LIMS1: variants seen among roughly 807,000 people sequenced by gnomAD.
LIMS1 encodes LIM zinc finger domain containing 1.
In LIMS1, 18 loss-of-function variants were observed where a neutral mutation model predicts 44.1. That is an observed-to-expected ratio of 0.41 (90% CI 0.28 to 0.61). The LOEUF is 0.61. Among genes scored for constraint, LIMS1 ranks in the 20% least tolerant of loss-of-function variants. The probability of loss-of-function intolerance (pLI) is 0.32; values close to 1 mark genes in which losing one functional copy is unlikely to be tolerated. For missense variants in LIMS1, 201 were observed against 422.0 expected (o/e 0.48, Z 4.59); for synonymous variants, 93 against 149.1 (o/e 0.62, Z 2.74).
intron 2 of LIMS1, among the ~76,000 whole-genome samples, chr2:108,663,381 G>A (rs1367126954): frequency 6.6e-6 from 1 of 152,018 alleles, no homozygotes; most frequent in African/African-American, 2.4e-5. Flanking sequence ...ATTTACCCAG[G>A]GAAATACCCT....
At chr2:108,635,790 C>A (rs557249793) in intron 1 of LIMS1, among the ~76,000 whole-genome samples, 2 of 152,332 alleles carry the variant, frequency 1.3e-5, no homozygotes, top group African/African-American at 4.8e-5. Flanking sequence ...ACTCCTCCCC[C>A]CCGTCTGTTC....
intron 1 of LIMS1, among the ~76,000 whole-genome samples, chr2:108,559,533 C>T (rs1021198733): frequency 1.3e-5 from 2 of 152,108 alleles, no homozygotes; most frequent in Non-Finnish European, 2.9e-5. Context: ...CAGCACAGTG[C>T]TAGGTTTATA....
At chr2:108,598,184 A>G (rs1686815271) in intron 1 of LIMS1, among the ~76,000 whole-genome samples, 1 of 151,708 alleles carries the variant, frequency 6.6e-6, no homozygotes, top group African/African-American at 2.4e-5. Flanking sequence ...GCTATTTCAT[A>G]GATTAGGACA....
intron 1 of LIMS1, among the ~76,000 whole-genome samples, chr2:108,626,926 A>G (rs927871923): frequency 6.6e-6 from 1 of 152,250 alleles, no homozygotes; most frequent in Admixed American, 6.5e-5. Context: ...GTTTCAGTCA[A>G]CGAGAGACTA....
intron 1 of LIMS1, among the ~76,000 whole-genome samples, chr2:108,565,183 C>T (rs1431616219): frequency 3.3e-5 from 5 of 152,028 alleles, no homozygotes; most frequent in African/African-American, 4.8e-5. Context: ...AGTTGGATAC[C>T]GTCTTCGTTC....
chr2:108,639,199 G>A (rs915486058), intron 1 of LIMS1, among the ~76,000 whole-genome samples: 4 of 152,150 alleles, frequency 2.6e-5, no homozygotes, highest in African/African-American at 9.7e-5. Context: ...ACAGAAGATC[G>A]ATAAGGCCTG....
At chr2:108,600,897 TCTTCTCTTCTCTTCTCTTC>T (rs1686975068) in intron 1 of LIMS1, among the ~76,000 whole-genome samples, 5 of 144,080 alleles carry the variant, frequency 3.5e-5, no homozygotes, top group South Asian at 2.2e-4. Context: ...TTCGTTCTTC[TCTTCTCTTCTCTTCTCTTC>T]TCTTCTCTTC....
At chr2:108,617,584 A>G (rs960119509) in intron 1 of LIMS1, among the ~76,000 whole-genome samples, 2 of 152,238 alleles carry the variant, frequency 1.3e-5, no homozygotes, top group African/African-American at 4.8e-5. Flanking sequence ...TGGTTGAACA[A>G]CTAAAACATA....
chr2:108,607,919 T>A (rs1687364014), intron 1 of LIMS1, among the ~76,000 whole-genome samples: 1 of 152,208 alleles, frequency 6.6e-6, no homozygotes, highest in Non-Finnish European at 1.5e-5. Context: ...AGGAGCCACA[T>A]GGTGGCAGGC....
At chr2:108,568,514 C>A (rs1258347775) in intron 1 of LIMS1, among the ~76,000 whole-genome samples, 5 of 152,156 alleles carry the variant, frequency 3.3e-5, no homozygotes, top group Non-Finnish European at 5.9e-5. Context: ...CTCTTCAATA[C>A]CCTGCTTTAG....
chr2:108,665,169 G>A (rs1189220508), intron 2 of LIMS1, among the ~76,000 whole-genome samples: 1 of 152,212 alleles, frequency 6.6e-6, no homozygotes, highest in Non-Finnish European at 1.5e-5. Context: ...AAATGTCTGA[G>A]AAAGGTGTCA....
chr2:108,571,939 C>T (rs564603331), intron 1 of LIMS1, among the ~76,000 whole-genome samples: 1 of 152,262 alleles, frequency 6.6e-6, no homozygotes, highest in South Asian at 2.1e-4. Context: ...TGTCTCTAAG[C>T]CAGGAACCAT....
At chr2:108,548,768 C>T (rs367889190) in intron 1 of LIMS1, among the ~76,000 whole-genome samples, 6 of 152,092 alleles carry the variant, frequency 3.9e-5, no homozygotes, top group East Asian at 1.9e-4. Context: ...CTTTCTATGA[C>T]GGAAGTTACG....
At chr2:108,625,215 A>G (rs780537416) in intron 1 of LIMS1, among the ~76,000 whole-genome samples, 33 of 152,206 alleles carry the variant, frequency 2.2e-4, no homozygotes, top group Non-Finnish European at 3.7e-4. Flanking sequence ...AAATAATAAA[A>G]ATATTTTTCA....
chr2:108,606,341 A>AC (rs944527852), intron 1 of LIMS1, among the ~76,000 whole-genome samples: 3 of 152,238 alleles, frequency 2.0e-5, no homozygotes, highest in African/African-American at 7.2e-5. Context: ...GTCAGACTTT[A>AC]CATTTTTAAA....
At chr2:108,647,881 G>A (rs1690182980) in intron 1 of LIMS1, among the ~76,000 whole-genome samples, 1 of 152,130 alleles carries the variant, frequency 6.6e-6, no homozygotes, top group African/African-American at 2.4e-5. Context: ...AAAACTGGAA[G>A]CAATCCCTTT....
rs376979343 is a variant in LIMS1, at chr2:108,596,152, CG to C, written c.32+61560del. On this transcript the variant is annotated intron_variant, in intron 1 of 9. Coordinates refer to ENST00000544547, the Ensembl canonical transcript of LIMS1. ...TTCATGTGTCCCTGTAGCCATTCAG[CG>C]GCCAACATTTGTATAGTACTTTATC... is the stretch of plus-strand genomic sequence containing the variant. Among the ~76,000 whole-genome samples the C allele has an allele frequency of 4.5e-4, 69 of 152,314 alleles. 1 individual carries two copies. In the East Asian group the frequency reaches 0.013, roughly 28 times the overall value.
At chr2:108,676,003 C>T (rs1395069232) in exon 6 of LIMS1, 7 of 1,613,828 alleles carry the variant, frequency 4.3e-6, no homozygotes, top group Non-Finnish European at 5.1e-6. Context: ...GTGGTGAACG[C>T]TATGGGCAAG....
chr2:108,652,809 T>A (rs1330036567), intron 1 of LIMS1, among the ~76,000 whole-genome samples: 1 of 152,160 alleles, frequency 6.6e-6, no homozygotes, highest in Non-Finnish European at 1.5e-5. Context: ...CCCCACCGGA[T>A]GCATTAAATT....
Sources: gnomAD v4.1 joint callset for allele counts (sites outside exome capture counted in the v4.1 genomes callset) on GRCh38, gnomAD v4.1.1 for gene constraint, MANE v1.5 for transcripts, NCBI Gene and HGNC (gene_info 2026-07-23, HGNC 2026-07-21) for gene names.